Variants in DGCR2 observed in about 807,000 individuals in gnomAD.
DGCR2 encodes integral membrane protein DGCR2/IDD.
DGCR2 carries 24 observed loss-of-function variants against 51.6 expected under a neutral mutation model. That is an observed-to-expected ratio of 0.47 (90% CI 0.34 to 0.65). The LOEUF is 0.65. Ranked by LOEUF, DGCR2 falls within the 30% of genes least tolerant of loss-of-function variation. The pLI, the probability that DGCR2 is intolerant of heterozygous loss-of-function variation, is 0.01. For synonymous variants in DGCR2, 340 were observed against 315.4 expected, an observed-to-expected ratio of 1.08 and a Z score of -0.82; for missense variants, 765 against 772.1, an observed-to-expected ratio of 0.99 and a Z score of 0.11.
At chr22:19,106,454 C>T (rs1390297018) in intron 1 of DGCR2, among the ~76,000 whole-genome samples, 1 of 152,116 alleles carries the variant, frequency 6.6e-6, no homozygotes, top group East Asian at 1.9e-4. Context: ...TACCTGGAGG[C>T]CTGAGCATCC....
At chr22:19,094,855 T>C (rs886992847) in intron 1 of DGCR2, among the ~76,000 whole-genome samples, 1 of 152,148 alleles carries the variant, frequency 6.6e-6, no homozygotes, top group Non-Finnish European at 1.5e-5. Context: ...AAAATAATTA[T>C]ATTGAGTGAA....
intron 1 of DGCR2, among the ~76,000 whole-genome samples, chr22:19,095,139 G>C (rs1429969605): frequency 6.6e-6 from 1 of 151,624 alleles, no homozygotes; most frequent in Non-Finnish European, 1.5e-5. Flanking sequence ...GAGGTGAATG[G>C]ATCACCTGAG....
intron 1 of DGCR2, among the ~76,000 whole-genome samples, chr22:19,112,307 A>T (rs113700162): frequency 0.18 from 26,499 of 151,268 alleles, 2,505 homozygotes; most frequent in South Asian, 0.29. Flanking sequence ...GGAAAATAAT[A>T]AAACCGTTCA....
chr22:19,084,078 A>G (rs932896103), intron 2 of DGCR2, among the ~76,000 whole-genome samples: 116 of 151,518 alleles, frequency 7.7e-4, no homozygotes, highest in African/African-American at 2.5e-3. Context: ...TACAACCTCC[A>G]CCTCCCAGCC....
intron 1 of DGCR2, among the ~76,000 whole-genome samples, chr22:19,096,896 A>C (rs978149810): frequency 1.1e-4 from 11 of 98,680 alleles, no homozygotes; most frequent in South Asian, 5.2e-4. Flanking sequence ...AAAAAAAACA[A>C]AAAAAAAAAA....
intron 6 of DGCR2, among the ~76,000 whole-genome samples, chr22:19,050,028 GGAGA>G (rs917813430): frequency 2.6e-5 from 4 of 152,156 alleles, no homozygotes; most frequent in South Asian, 4.2e-4. Flanking sequence ...CAAATGGAGA[GGAGA>G]GAGAGAAAGA....
At chr22:19,094,924 A>T (rs2083121717) in intron 1 of DGCR2, among the ~76,000 whole-genome samples, 1 of 152,222 alleles carries the variant, frequency 6.6e-6, no homozygotes, top group Non-Finnish European at 1.5e-5. Context: ...ATAAAAATCT[A>T]AAAAATGCAC....
rs139150119 is a variant in DGCR2 at position 19,092,743 on chromosome 22, C to T, written c.80-3253G>A. ...AAATAAGAAATACTTAGGTATAAAT[C>T]TAACAAAAGATGTGAAGTCCTGTAC... On this transcript the variant is annotated intron_variant, in intron 1 of 9. Coordinates refer to ENST00000263196, the MANE Select transcript of DGCR2 (RefSeq NM_005137.3). Among the ~76,000 whole-genome samples, 603 of 152,202 alleles carry T rather than the reference C, an allele frequency of 4.0e-3. 8 individuals are homozygous for T. The highest frequency in any genetic ancestry group is 0.014 in the African/African-American group (584 of 41,508).
At position 19,081,954 on chromosome 22, in the gene DGCR2, C is replaced by T. The variant is rs374873107; in HGVS notation, c.202+7414G>A. 2.4e-4 allele frequency among the ~76,000 whole-genome samples: 36 copies of T among 152,236 alleles called. No homozygotes were observed. In the South Asian group the frequency reaches 7.3e-3, roughly 31 times the overall value. ...ATGCTTTATAGGAGTTCTTTATATACACTGAATTAGAATCCTTATCCTTTA... is the reference window on the plus strand; with the variant it reads ...ATGCTTTATAGGAGTTCTTTATATATACTGAATTAGAATCCTTATCCTTTA... On this transcript the variant is annotated intron_variant, in intron 2 of 9. Coordinates refer to ENST00000263196, the MANE Select transcript of DGCR2 (RefSeq NM_005137.3).
intron 1 of DGCR2, chr22:19,121,813 C>T (rs117692009): frequency 0.017 from 3,531 of 207,426 alleles, 138 homozygotes; most frequent in East Asian, 0.075. Context: ...GAGCCACTGT[C>T]CCCAGCCCGA....
chr22:19,076,175 G>T (rs11703439), intron 2 of DGCR2, among the ~76,000 whole-genome samples: 1 of 150,602 alleles, frequency 6.6e-6, no homozygotes, highest in Non-Finnish European at 1.5e-5. Context: ...TTTATTTTTT[G>T]GGGGGGAAGG....
intron 1 of DGCR2, among the ~76,000 whole-genome samples, chr22:19,101,579 A>G (rs1029222065): frequency 2.0e-5 from 3 of 151,954 alleles, no homozygotes; most frequent in South Asian, 2.1e-4. Context: ...CGTCTCTACC[A>G]AAAGTACAAA....
rs1012492967 is a variant in DGCR2, at chr22:19,122,275, C to T, written c.-69G>A. 32 of 1,307,040 alleles carry T rather than the reference C, an allele frequency of 2.4e-5. No homozygotes were observed. The highest frequency in any genetic ancestry group is 1.5e-4 in the Admixed American group (5 of 34,078). 81.0% of individuals were successfully genotyped at this position (1,307,040 alleles called of 1,614,324 possible). A position where few individuals can be genotyped will look rare whatever the true frequency, so the allele number is the denominator to read the frequency against. ...CAGGCCGGACTGAGGGTCAGGGGAC[C>T]GTGCCAAGCGGAGGGTCAGGCGGAG... On this transcript the variant is annotated 5_prime_UTR_variant, in exon 1 of 10. Coordinates refer to ENST00000263196, the MANE Select transcript of DGCR2 (RefSeq NM_005137.3).
chr22:19,048,659 A>G lies in DGCR2; in HGVS notation c.803-16T>C, dbSNP rs73157291. 166 of 1,614,062 alleles carry G rather than the reference A, an allele frequency of 1.0e-4. No homozygotes were observed. The highest frequency in any genetic ancestry group is 1.3e-4 in the Non-Finnish European group (155 of 1,179,916). Reference sequence around the variant, plus strand: ...CATGTTTGACCTGCAATGAGCATACATTGTGTACAGATGTATACAATGCCA... The same window carrying G: ...CATGTTTGACCTGCAATGAGCATACGTTGTGTACAGATGTATACAATGCCA... On this transcript the variant is annotated splice_polypyrimidine_tract_variant and intron_variant, in intron 6 of 9. Coordinates refer to ENST00000263196, the MANE Select transcript of DGCR2 (RefSeq NM_005137.3).
At chr22:19,098,729 A>C (rs1328783815) in intron 1 of DGCR2, among the ~76,000 whole-genome samples, 1 of 152,152 alleles carries the variant, frequency 6.6e-6, no homozygotes, top group Non-Finnish European at 1.5e-5. Flanking sequence ...CTGGGACTAC[A>C]GGCACATACC....
intron 6 of DGCR2, among the ~76,000 whole-genome samples, chr22:19,049,020 G>C (rs531172039): frequency 6.6e-6 from 1 of 152,224 alleles, no homozygotes; most frequent in African/African-American, 2.4e-5. Flanking sequence ...GGCTGTCCAA[G>C]AGCAGTCACT....
rs1448211649 is a variant in DGCR2, at chr22:19,044,083, G to C, written c.1007-2124C>G. On this transcript the variant is annotated intron_variant, in intron 7 of 9. Transcript: ENST00000263196. ...GAGCTCCTAAGAAAGCAGCCCCTTT[G>C]CAATGACTAACTCTTAATCCGTTCT... 2.0e-5 allele frequency among the ~76,000 whole-genome samples: 3 copies of C among 152,192 alleles called. No individual in the cohort carries two copies. The East Asian group carries it at 5.8e-4, about 29-fold the overall frequency.
At chr22:19,063,157 G>A (rs1262927827) in intron 5 of DGCR2, 45 bp downstream of exon 5, 1 of 1,571,248 alleles carries the variant, frequency 6.4e-7, no homozygotes, top group South Asian at 1.1e-5. Context: ...GAATCAGGGT[G>A]ACTCTGCCCA....
intron 2 of DGCR2, among the ~76,000 whole-genome samples, chr22:19,073,024 A>C (rs996918064): frequency 1.3e-5 from 2 of 152,174 alleles, no homozygotes; most frequent in African/African-American, 4.8e-5. Flanking sequence ...TGGGAGGCTG[A>C]GGCAGGAGGA....
Sources: gnomAD v4.1 joint callset for allele counts (sites outside exome capture counted in the v4.1 genomes callset) on GRCh38, gnomAD v4.1.1 for gene constraint, MANE v1.5 for transcripts, NCBI Gene and HGNC (gene_info 2026-07-23, HGNC 2026-07-21) for gene names.